Variants in MIPEP observed in about 807,000 individuals in gnomAD.
MIPEP encodes mitochondrial intermediate peptidase.
A neutral mutation model predicts 90.3 loss-of-function variants in MIPEP; 79 were observed. That is an observed-to-expected ratio of 0.87 (90% CI 0.73 to 1.05). The LOEUF is 1.05. Ranked by LOEUF, MIPEP falls within the 50% of genes least tolerant of loss-of-function variation. The pLI is 0.00. For missense variants in MIPEP, 940 were observed against 905.6 expected, an observed-to-expected ratio of 1.04 and a Z score of -0.49; for synonymous variants, 334 against 315.8, an observed-to-expected ratio of 1.06 and a Z score of -0.61.
At chr13:23,881,909 T>C (rs1871286129) in intron 2 of MIPEP, 122 bp from the exon 3 acceptor site, 1 of 688,618 alleles carries the variant, frequency 1.5e-6, no homozygotes, top group Admixed American at 2.4e-5. Flanking sequence ...TGCATTTCCA[T>C]TACTGACTTT....
intron 2 of MIPEP, among the ~76,000 whole-genome samples, chr13:23,883,732 G>A (rs1438479708): frequency 6.6e-6 from 1 of 152,192 alleles, no homozygotes; most frequent in Non-Finnish European, 1.5e-5. Flanking sequence ...CCCCAATCTG[G>A]AGGGTTGACG....
chr13:23,809,313 A>G (rs1463158218), intron 15 of MIPEP, among the ~76,000 whole-genome samples: 1 of 152,022 alleles, frequency 6.6e-6, no homozygotes, highest in Non-Finnish European at 1.5e-5. Context: ...AAATTTTCTA[A>G]GCTTTCATTT....
chr13:23,838,508 G>A (rs939058223), intron 12 of MIPEP, among the ~76,000 whole-genome samples: 6 of 152,080 alleles, frequency 3.9e-5, no homozygotes, highest in Admixed American at 2.0e-4. Flanking sequence ...CAAGGGATCC[G>A]GAGCCAGAAT....
intron 16 of MIPEP, among the ~76,000 whole-genome samples, chr13:23,781,598 A>T (rs1952782750): frequency 6.6e-6 from 1 of 152,098 alleles, no homozygotes; most frequent in Non-Finnish European, 1.5e-5. Flanking sequence ...AAATTCACAC[A>T]TAATAATATT....
chr13:23,805,951 G>T lies in MIPEP; in HGVS notation c.1847C>A (p.Thr616Asn), dbSNP rs749973725. ...ACAGAAGCCAAATGCTGGACTCACA[G>T]TATTTGGAACATATGGTAGGCCATA... ...KFYGLPYVPN[T>N]AWQLRFSHLV... The change falls in exon 16 of 19, where the codon ACT becomes AAT. Residue 616 changes from threonine to asparagine, a missense_variant and splice_region_variant. Transcript: ENST00000382172. 1 of 1,613,808 alleles carries T rather than the reference G, an allele frequency of 6.2e-7. No homozygotes were observed. Among genetic ancestry groups the T allele is most frequent in the Admixed American group, 1.7e-5 (1 of 60,004 alleles).
At chr13:23,730,511 A>C in intron 18 of MIPEP, 66 bp from the exon 19 acceptor site, 1 of 1,037,082 alleles carries the variant, frequency 9.6e-7, no homozygotes, top group Non-Finnish European at 1.5e-6. Context: ...AAGACACAAA[A>C]TCAAATCCAC....
At chr13:23,767,554 C>T (rs993548841) in intron 16 of MIPEP, among the ~76,000 whole-genome samples, 2 of 151,704 alleles carry the variant, frequency 1.3e-5, no homozygotes, top group East Asian at 1.9e-4. Context: ...CAGGTTCAAG[C>T]GATTCTCCTG....
At chr13:23,777,465 T>C (rs1042735931) in intron 16 of MIPEP, among the ~76,000 whole-genome samples, 4 of 152,154 alleles carry the variant, frequency 2.6e-5, no homozygotes, top group Non-Finnish European at 5.9e-5. Context: ...AATGAACAAA[T>C]AGAGGATGTG....
At chr13:23,828,876 G>A (rs1278326653) in intron 14 of MIPEP, among the ~76,000 whole-genome samples, 1 of 152,114 alleles carries the variant, frequency 6.6e-6, no homozygotes, top group Admixed American at 6.5e-5. Context: ...AACAAATCGA[G>A]GAAGGCCTAT....
intron 4 of MIPEP, among the ~76,000 whole-genome samples, chr13:23,876,063 A>C (rs78332658): frequency 0.1 from 15,411 of 152,216 alleles, 924 homozygotes; most frequent in Non-Finnish European, 0.14. Context: ...ACAGTTTTTA[A>C]TCCTTGTTTG....
Sources: gnomAD v4.1 joint callset for allele counts (sites outside exome capture counted in the v4.1 genomes callset) on GRCh38, gnomAD v4.1.1 for gene constraint, MANE v1.5 for transcripts, NCBI Gene and HGNC (gene_info 2026-07-23, HGNC 2026-07-21) for gene names.